Variants in ERBB4 observed in about 807,000 individuals in gnomAD.
ERBB4 encodes receptor tyrosine-protein kinase erbB-4.
Under a neutral mutation model 158.0 loss-of-function variants are expected in ERBB4, and 42 were observed. That is an observed-to-expected ratio of 0.27 (90% CI 0.21 to 0.34). The LOEUF (loss-of-function observed/expected upper bound fraction) is 0.34, where lower values mean the gene tolerates loss of function less well. Ranked by LOEUF, ERBB4 falls within the 10% of genes least tolerant of loss-of-function variation. The pLI is 1.00. For missense variants in ERBB4, 1,333 were observed against 1,624.1 expected (o/e 0.82, Z 3.08); for synonymous variants, 583 against 558.7 (o/e 1.04, Z -0.61).
intron 3 of ERBB4, among the ~76,000 whole-genome samples, chr2:211,861,661 G>C (rs957820388): frequency 1.3e-5 from 2 of 151,984 alleles, no homozygotes; most frequent in African/African-American, 4.8e-5. Flanking sequence ...CACACACGAA[G>C]TCTTGGGTTA....
At chr2:212,519,733 G>C (rs1692045207) in intron 1 of ERBB4, among the ~76,000 whole-genome samples, 2 of 151,892 alleles carry the variant, frequency 1.3e-5, no homozygotes, top group East Asian at 3.9e-4. Flanking sequence ...CATAATAGTG[G>C]AGAGTAGAAT....
At chr2:211,769,253 T>C (rs945666720) in intron 4 of ERBB4, among the ~76,000 whole-genome samples, 1 of 152,196 alleles carries the variant, frequency 6.6e-6, no homozygotes, top group Non-Finnish European at 1.5e-5. Context: ...CTGCACTTCA[T>C]TCTCCATATC....
At chr2:211,772,348 A>T (rs1316743493) in intron 4 of ERBB4, among the ~76,000 whole-genome samples, 1 of 151,996 alleles carries the variant, frequency 6.6e-6, no homozygotes, top group East Asian at 1.9e-4. Flanking sequence ...ATGCACTATT[A>T]AAACTTGTCT....
chr2:212,182,260 C>T (rs189163122), intron 1 of ERBB4, among the ~76,000 whole-genome samples: 192 of 151,866 alleles, frequency 1.3e-3, no homozygotes, highest in Admixed American at 2.8e-3. Context: ...AGCTAAATAA[C>T]TTGTCCCAGG....
chr2:211,424,883 A>ATAGTACATGTGAAGT (rs1195506524), intron 22 of ERBB4, among the ~76,000 whole-genome samples: 3 of 152,146 alleles, frequency 2.0e-5, no homozygotes, highest in African/African-American at 7.2e-5. Context: ...TACGTAATAT[A>ATAGTACATGTGAAGT]TAGTACATGT....
At chr2:211,670,405 A>G (rs2071795075) in intron 14 of ERBB4, among the ~76,000 whole-genome samples, 1 of 152,214 alleles carries the variant, frequency 6.6e-6, no homozygotes, top group Non-Finnish European at 1.5e-5. Flanking sequence ...ATAATTTTAA[A>G]AATCAACTTT....
At chr2:212,310,304 A>G (rs547591058) in intron 1 of ERBB4, among the ~76,000 whole-genome samples, 10 of 150,878 alleles carry the variant, frequency 6.6e-5, no homozygotes, top group African/African-American at 2.2e-4. Context: ...TGTTCAAGAC[A>G]TCAAATTTAT....
intron 1 of ERBB4, among the ~76,000 whole-genome samples, chr2:212,335,821 T>G (rs1164843785): frequency 6.6e-6 from 1 of 151,996 alleles, no homozygotes; most frequent in Admixed American, 6.6e-5. Flanking sequence ...CTAGTTCTCC[T>G]TTCCTAATGT....
chr2:212,138,870 G>C (rs533609314), intron 1 of ERBB4, among the ~76,000 whole-genome samples: 86 of 152,152 alleles, frequency 5.7e-4, no homozygotes, highest in Non-Finnish European at 1.0e-3. Flanking sequence ...GATTGAACAT[G>C]TCATGGGTAT....
intron 1 of ERBB4, among the ~76,000 whole-genome samples, chr2:212,130,245 A>C (rs892474706): frequency 6.6e-5 from 10 of 152,154 alleles, no homozygotes; most frequent in African/African-American, 1.9e-4. Flanking sequence ...CAAAATTTAC[A>C]TGTGATCCCT....
Position 211,429,178 on chromosome 2 carries a change from T to A in ERBB4, c.2644-695A>T, listed in dbSNP as rs113295933. Among the ~76,000 whole-genome samples the A allele has an allele frequency of 4.6e-5, 7 of 152,258 alleles. 1 individual carries two copies. The highest frequency in any genetic ancestry group is 1.7e-4 in the African/African-American group (7 of 41,554). On this transcript the variant is annotated intron_variant, in intron 21 of 27. Transcript: ENST00000342788. ...CATCTAATACACATGCTTCTAAAAA[T>A]GTGTTTATAGTTTTTTCTCAAAAAA... is the stretch of plus-strand genomic sequence containing the variant.
intron 1 of ERBB4, among the ~76,000 whole-genome samples, chr2:212,277,556 GCTAA>G (rs1187684856): frequency 2.6e-5 from 4 of 151,606 alleles, no homozygotes; most frequent in Non-Finnish European, 5.9e-5. Flanking sequence ...CTTTTTAATG[GCTAA>G]CTGCTTCCTG....
chr2:212,133,407 GT>G (rs757664716), intron 1 of ERBB4, among the ~76,000 whole-genome samples: 11,323 of 60,852 alleles, frequency 0.19, 909 homozygotes, highest in African/African-American at 0.27. Flanking sequence ...TTTTTTTTTT[GT>G]TTTGTTTTGT....
chr2:212,042,484 T>C (rs903750188), intron 2 of ERBB4, among the ~76,000 whole-genome samples: 1 of 152,138 alleles, frequency 6.6e-6, no homozygotes, highest in South Asian at 2.1e-4. Flanking sequence ...TAGCTAAATA[T>C]GACAGTATAC....
chr2:211,528,090 A>G (rs890164364), intron 20 of ERBB4, among the ~76,000 whole-genome samples: 1 of 152,026 alleles, frequency 6.6e-6, no homozygotes, highest in Non-Finnish European at 1.5e-5. Flanking sequence ...ACAGGAACCA[A>G]TGATCTCTTG....
intron 2 of ERBB4, among the ~76,000 whole-genome samples, chr2:212,080,324 G>A (rs2125464837): frequency 6.7e-6 from 1 of 149,940 alleles, no homozygotes; most frequent in Middle Eastern, 3.4e-3. Context: ...AAAAAAATAA[G>A]AATAAAAATA....
At chr2:212,440,271 C>T (rs1174820263) in intron 1 of ERBB4, among the ~76,000 whole-genome samples, 1 of 152,158 alleles carries the variant, frequency 6.6e-6, no homozygotes, top group Non-Finnish European at 1.5e-5. Flanking sequence ...CTGGTGGGAA[C>T]AATCTAATCA....
intron 1 of ERBB4, among the ~76,000 whole-genome samples, chr2:212,164,924 T>G (rs2081303236): frequency 6.7e-6 from 1 of 150,280 alleles, no homozygotes. Context: ...TAAGAACTAC[T>G]TGCCCTTATG....
At chr2:211,397,892 G>A (rs181542286) in intron 25 of ERBB4, among the ~76,000 whole-genome samples, 1 of 152,228 alleles carries the variant, frequency 6.6e-6, no homozygotes, top group African/African-American at 2.4e-5. Flanking sequence ...CATCTATTTA[G>A]TCTGATGAAT....
Sources: allele counts gnomAD v4.1 joint callset (sites outside exome capture counted in the v4.1 genomes callset), GRCh38; gene constraint gnomAD v4.1.1; transcripts MANE v1.5; gene names NCBI Gene and HGNC (gene_info 2026-07-23, HGNC 2026-07-21).